TMC2: variants seen among roughly 807,000 people sequenced by gnomAD.
TMC2 encodes transmembrane channel-like protein 2.
A neutral mutation model predicts 105.9 loss-of-function variants in TMC2; 102 were observed. That is an observed-to-expected ratio of 0.96 (90% CI 0.82 to 1.14). The LOEUF is 1.14. TMC2 is among the 50% of genes most tolerant of loss of function. The probability of loss-of-function intolerance (pLI) is 0.00; values close to 1 mark genes in which losing one functional copy is unlikely to be tolerated. For synonymous variants in TMC2, 402 were observed against 422.8 expected, an observed-to-expected ratio of 0.95 and a Z score of 0.60; for missense variants, 1,093 against 1,134.3, an observed-to-expected ratio of 0.96 and a Z score of 0.52.
At chr20:2,606,738 C>T (rs191797090) in intron 11 of TMC2, among the ~76,000 whole-genome samples, 3 of 151,702 alleles carry the variant, frequency 2.0e-5, no homozygotes, top group Admixed American at 1.3e-4. Context: ...CTTGTTTTCT[C>T]CTGAATCCTA....
chr20:2,631,938 A>T (rs1316228859), intron 17 of TMC2, among the ~76,000 whole-genome samples: 1 of 151,750 alleles, frequency 6.6e-6, no homozygotes, highest in African/African-American at 2.4e-5. Context: ...GTTGTCCCAT[A>T]GGCTGTGTTA....
chr20:2,608,372 G>A (rs2086410438), intron 11 of TMC2, among the ~76,000 whole-genome samples: 1 of 149,656 alleles, frequency 6.7e-6, no homozygotes, highest in Non-Finnish European at 1.5e-5. Flanking sequence ...CTGTCATCCA[G>A]GCTGGAGTGC....
intron 19 of TMC2, 48 bp downstream of exon 19, chr20:2,637,639 G>A (rs1319530146): frequency 1.3e-5 from 17 of 1,285,240 alleles, no homozygotes; most frequent in Non-Finnish European, 1.8e-5. Context: ...CACATGGAAA[G>A]GTGTAAAGAG....
At chr20:2,551,680 C>T (rs2085957626) in intron 2 of TMC2, among the ~76,000 whole-genome samples, 1 of 152,134 alleles carries the variant, frequency 6.6e-6, no homozygotes. Context: ...TTGTGAAAGG[C>T]ATAAGGTCTG....
Position 2,610,443 on chromosome 20 carries a change from G to T in TMC2, c.1438G>T (p.Gly480Ter), listed in dbSNP as rs775990779. 5 of 1,612,086 alleles carry T rather than the reference G, an allele frequency of 3.1e-6. No individual in the cohort carries two copies. Among genetic ancestry groups the T allele is most frequent in the Non-Finnish European group, 4.2e-6 (5 of 1,178,894 alleles). Reference protein sequence around the residue: ...NEVEIVMSLLGMFCPPLFETI... With the variant: ...NEVEIVMSLL ...GGTAGAGATCGTGATGTCCCTGCTTGGAATGTTTTGTCCCCCTCTGTTTGA... is the reference window on the plus strand; with the variant it reads ...GGTAGAGATCGTGATGTCCCTGCTTTGAATGTTTTGTCCCCCTCTGTTTGA... Residue 480 changes from glycine (G) to a stop codon, truncating the protein, a stop_gained, in exon 12 of 20, where the codon GGA (glycine) becomes TGA (stop). Transcript: ENST00000358864. LOFTEE classifies it high-confidence loss of function.
At chr20:2,576,900 G>GTTTTTTT (rs796520290) in intron 5 of TMC2, among the ~76,000 whole-genome samples, 1 of 118,680 alleles carries the variant, frequency 8.4e-6, no homozygotes, top group Non-Finnish European at 1.7e-5. Flanking sequence ...TTTCTTCTTG[G>GTTTTTTT]TTTTTTTTTT....
At chr20:2,584,982 C>T (rs892333455) in intron 7 of TMC2, among the ~76,000 whole-genome samples, 1 of 152,206 alleles carries the variant, frequency 6.6e-6, no homozygotes, top group African/African-American at 2.4e-5. Context: ...CCTCTCCCAG[C>T]TCCCAGCCCT....
chr20:2,632,437 G>C (rs904254640), intron 17 of TMC2, among the ~76,000 whole-genome samples: 1 of 151,930 alleles, frequency 6.6e-6, no homozygotes, highest in African/African-American at 2.4e-5. Flanking sequence ...CATATTCTTT[G>C]ATCATATTTA....
At chr20:2,595,350 T>G (rs1452470705) in intron 9 of TMC2, among the ~76,000 whole-genome samples, 3 of 152,192 alleles carry the variant, frequency 2.0e-5, no homozygotes, top group African/African-American at 7.2e-5. Flanking sequence ...GCCTGGAGGT[T>G]TGTCAGGCCT....
intron 7 of TMC2, among the ~76,000 whole-genome samples, chr20:2,580,793 A>G (rs2086183991): frequency 6.6e-6 from 1 of 152,160 alleles, no homozygotes; most frequent in African/African-American, 2.4e-5. Context: ...TTATCTACAG[A>G]TGATTAATTG....
chr20:2,622,547 A>G (rs2146255454), intron 16 of TMC2, among the ~76,000 whole-genome samples: 1 of 152,222 alleles, frequency 6.6e-6, no homozygotes, highest in Middle Eastern at 3.4e-3. Context: ...GCCTGCCTGT[A>G]ATCCACCAGG....
chr20:2,597,148 C>T lies in TMC2; in HGVS notation c.1077-3C>T, dbSNP rs553728608. 3 of 1,613,366 alleles carry T rather than the reference C, an allele frequency of 1.9e-6. No homozygotes were observed. The highest frequency in any genetic ancestry group is 2.5e-6 in the Non-Finnish European group (3 of 1,179,770). On this transcript the variant is annotated splice_region_variant and splice_polypyrimidine_tract_variant and intron_variant, in intron 9 of 19. Coordinates refer to ENST00000358864, the MANE Select transcript of TMC2 (RefSeq NM_080751.3). ...CGTCACAACAGTGCTGTGTGCCCTACAGGATGGCCAGCAATACCCAAGGAA... is the reference window on the plus strand; with the variant it reads ...CGTCACAACAGTGCTGTGTGCCCTATAGGATGGCCAGCAATACCCAAGGAA...
intron 11 of TMC2, among the ~76,000 whole-genome samples, chr20:2,608,553 C>A (rs1307467578): frequency 6.6e-6 from 1 of 152,052 alleles, no homozygotes; most frequent in Non-Finnish European, 1.5e-5. Context: ...GTCTCAAACT[C>A]CTGAACCCAG....
At chr20:2,608,870 T>C (rs961239091) in intron 11 of TMC2, among the ~76,000 whole-genome samples, 1 of 152,270 alleles carries the variant, frequency 6.6e-6, no homozygotes, top group African/African-American at 2.4e-5. Flanking sequence ...TTTAAGTTCT[T>C]GTGGGCAGAG....
At chr20:2,576,412 G>C (rs1425550738) in intron 5 of TMC2, among the ~76,000 whole-genome samples, 2 of 152,076 alleles carry the variant, frequency 1.3e-5, no homozygotes, top group Non-Finnish European at 2.9e-5. Flanking sequence ...TCACTTTTCA[G>C]TCCGAGATAT....
chr20:2,636,854 G>A (rs1455765101), intron 18 of TMC2, among the ~76,000 whole-genome samples: 3 of 152,044 alleles, frequency 2.0e-5, no homozygotes, highest in African/African-American at 4.8e-5. Context: ...CTCGTGATCC[G>A]CCTGCCTTGG....
intron 4 of TMC2, among the ~76,000 whole-genome samples, chr20:2,571,574 G>T (rs1445782876): frequency 6.6e-6 from 1 of 152,216 alleles, no homozygotes; most frequent in Admixed American, 6.5e-5. Context: ...TGGTGGGAAT[G>T]TAAATTAGTT....
intron 10 of TMC2, among the ~76,000 whole-genome samples, chr20:2,599,751 A>G (rs1294027471): frequency 2.6e-5 from 4 of 151,678 alleles, no homozygotes; most frequent in Admixed American, 2.6e-4. Context: ...TCCCATTCCA[A>G]GTTCTTTATG....
intron 11 of TMC2, among the ~76,000 whole-genome samples, chr20:2,609,879 G>T (rs907466209): frequency 5.3e-5 from 8 of 151,922 alleles, no homozygotes; most frequent in Admixed American, 3.3e-4. Flanking sequence ...ATGGAGTCTT[G>T]CTCTGTCACC....
Sources: allele counts gnomAD v4.1 joint callset (sites outside exome capture counted in the v4.1 genomes callset), GRCh38; gene constraint gnomAD v4.1.1; transcripts MANE v1.5; gene names NCBI Gene and HGNC (gene_info 2026-07-23, HGNC 2026-07-21).